Variants in CLVS1 observed in about 807,000 individuals in gnomAD.
CLVS1 encodes the protein clavesin-1.
Under a neutral mutation model 33.1 loss-of-function variants are expected in CLVS1, and 10 were observed. That is an observed-to-expected ratio of 0.30 (90% CI 0.19 to 0.51). The LOEUF is 0.51. Among genes scored for constraint, CLVS1 ranks in the 20% least tolerant of loss-of-function variants. CLVS1 has a pLI of 0.97. For synonymous variants in CLVS1, 163 were observed against 166.1 expected (o/e 0.98, Z 0.14); for missense variants, 343 against 433.4 (o/e 0.79, Z 1.85).
intron 3 of CLVS1, among the ~76,000 whole-genome samples, chr8:61,407,682 A>T (rs1815043435): frequency 6.6e-6 from 1 of 152,238 alleles, no homozygotes; most frequent in Non-Finnish European, 1.5e-5. Flanking sequence ...GTAATTAAAT[A>T]AGCCGTTTAA....
intron 2 of CLVS1, among the ~76,000 whole-genome samples, chr8:61,248,984 A>T (rs977006054): frequency 6.6e-6 from 1 of 152,114 alleles, no homozygotes; most frequent in Admixed American, 6.5e-5. Flanking sequence ...TTACATAGAG[A>T]TACACGTGCC....
chr8:61,034,062 G>A, the CLVS1 span, among the ~76,000 whole-genome samples: 13 of 152,102 alleles, frequency 8.5e-5, no homozygotes, highest in Admixed American at 1.3e-4. Context: ...AAGTTCAAGG[G>A]GAGAGGCTAG....
At chr8:61,159,034 T>TA (rs1346029630) in intron 2 of CLVS1, among the ~76,000 whole-genome samples, 1 of 152,030 alleles carries the variant, frequency 6.6e-6, no homozygotes, top group Non-Finnish European at 1.5e-5. Context: ...ATGCTATAAT[T>TA]AAAAACACTT....
intron 3 of CLVS1, among the ~76,000 whole-genome samples, chr8:61,409,754 C>T (rs1283038106): frequency 6.6e-6 from 1 of 152,146 alleles, no homozygotes; most frequent in Non-Finnish European, 1.5e-5. Context: ...TCCTCTACTG[C>T]CAATCATGTA....
intron 2 of CLVS1, among the ~76,000 whole-genome samples, chr8:61,227,796 C>A (rs991037024): frequency 3.9e-5 from 6 of 152,040 alleles, no homozygotes; most frequent in African/African-American, 1.4e-4. Context: ...TCTGGGTGCC[C>A]AGTAGGGTGA....
intron 2 of CLVS1, among the ~76,000 whole-genome samples, chr8:61,375,332 C>A (rs1426015021): frequency 6.6e-6 from 1 of 151,482 alleles, no homozygotes; most frequent in Non-Finnish European, 1.5e-5. Flanking sequence ...CTCACTGCAA[C>A]CTTCACCTCC....
the CLVS1 span, chr8:60,966,205 G>A: frequency 1.2e-5 from 4 of 341,362 alleles, no homozygotes; most frequent in Non-Finnish European, 1.8e-5. Context: ...GAAAACAGCT[G>A]TCTGAACAAG....
At chr8:61,265,917 T>C (rs2129592440) in intron 2 of CLVS1, among the ~76,000 whole-genome samples, 1 of 152,286 alleles carries the variant, frequency 6.6e-6, no homozygotes, top group South Asian at 2.1e-4. Context: ...CAAGAGATCT[T>C]CCTGTGTCTC....
chr8:61,241,526 C>T (rs565235849), intron 2 of CLVS1, among the ~76,000 whole-genome samples: 73 of 152,074 alleles, frequency 4.8e-4, no homozygotes, highest in Middle Eastern at 3.4e-3. Context: ...TGTACCACTT[C>T]ATGTAAAAAG....
intron 2 of CLVS1, among the ~76,000 whole-genome samples, chr8:61,252,920 A>C (rs1808983779): frequency 6.6e-6 from 1 of 152,154 alleles, no homozygotes; most frequent in Non-Finnish European, 1.5e-5. Context: ...TCACATTTAC[A>C]TTTAAGGTTA....
At chr8:61,357,494 CTTTTTTTTTTTTTTTTTTT>C (rs1167743712) in intron 2 of CLVS1, among the ~76,000 whole-genome samples, 1 of 25,804 alleles carries the variant, frequency 3.9e-5, no homozygotes, top group South Asian at 1.8e-3. Context: ...TTTTTCTTTT[CTTTTTTTTTTTTTTTTTTT>C]TTTTTTTTTG....
At chr8:60,991,737 C>A in the CLVS1 span, among the ~76,000 whole-genome samples, 77 of 145,878 alleles carry the variant, frequency 5.3e-4, no homozygotes, top group Middle Eastern at 7.0e-3. Flanking sequence ...CCTGATCAAG[C>A]CCCACTCTTT....
intron 2 of CLVS1, among the ~76,000 whole-genome samples, chr8:61,164,000 G>A (rs1393199033): frequency 6.6e-6 from 1 of 152,152 alleles, no homozygotes; most frequent in Non-Finnish European, 1.5e-5. Context: ...ACCCAAAGGG[G>A]GTTGCCCACT....
At chr8:61,072,170 C>A (rs1585588092) in intron 1 of CLVS1, among the ~76,000 whole-genome samples, 1 of 152,212 alleles carries the variant, frequency 6.6e-6, no homozygotes, top group African/African-American at 2.4e-5. Flanking sequence ...TTTCCTGGCT[C>A]CTCCTTTGCT....
intron 2 of CLVS1, among the ~76,000 whole-genome samples, chr8:61,247,558 G>A (rs1380605166): frequency 6.6e-6 from 1 of 152,096 alleles, no homozygotes; most frequent in Non-Finnish European, 1.5e-5. Context: ...CAGTGCTATT[G>A]AGCTTTTTAA....
At chr8:60,978,277 A>G in the CLVS1 span, among the ~76,000 whole-genome samples, 61 of 152,368 alleles carry the variant, frequency 4.0e-4, no homozygotes, top group African/African-American at 1.4e-3. Flanking sequence ...TGCTTTTGAT[A>G]TGGTATGTAT....
At chr8:60,984,218 T>G in the CLVS1 span, among the ~76,000 whole-genome samples, 1 of 152,244 alleles carries the variant, frequency 6.6e-6, no homozygotes, top group African/African-American at 2.4e-5. Flanking sequence ...CTTGTCCCAG[T>G]ATTTGCTAAT....
chr8:61,497,449 G>GGC (rs936456808), intron 5 of CLVS1, among the ~76,000 whole-genome samples: 1 of 147,756 alleles, frequency 6.8e-6, no homozygotes, highest in East Asian at 2.0e-4. Context: ...TATTGGGGGG[G>GGC]GGGTGTCAGT....
intron 2 of CLVS1, among the ~76,000 whole-genome samples, chr8:61,144,277 G>A (rs1806373114): frequency 6.6e-6 from 1 of 151,924 alleles, no homozygotes; most frequent in Admixed American, 6.6e-5. Flanking sequence ...TTCGACTCCC[G>A]CTTTATGAGT....
Sources: allele counts gnomAD v4.1 joint callset (sites outside exome capture counted in the v4.1 genomes callset), GRCh38; gene constraint gnomAD v4.1.1; transcripts MANE v1.5; gene names NCBI Gene and HGNC (gene_info 2026-07-23, HGNC 2026-07-21).